Variants in FLNB observed in about 807,000 individuals in gnomAD.
The protein encoded by FLNB is filamin-B.
FLNB carries 111 observed loss-of-function variants against 250.6 expected under a neutral mutation model. The observed-to-expected ratio is 0.44, with a 90% CI of 0.38 to 0.52. The LOEUF is 0.52. Among genes scored for constraint, FLNB ranks in the 20% least tolerant of loss-of-function variants. FLNB has a pLI of 0.00. For synonymous variants in FLNB, 1,302 were observed against 1,372.1 expected, an observed-to-expected ratio of 0.95 and a Z score of 1.13; for missense variants, 2,869 against 3,447.8, an observed-to-expected ratio of 0.83 and a Z score of 4.20.
At chr3:58,029,621 T>C (rs1481108704) in intron 1 of FLNB, among the ~76,000 whole-genome samples, 1 of 151,940 alleles carries the variant, frequency 6.6e-6, no homozygotes, top group Non-Finnish European at 1.5e-5. Flanking sequence ...TCTCCTGCCT[T>C]AGCCTCCAAG....
chr3:58,045,397 A>G (rs1718479), intron 1 of FLNB, among the ~76,000 whole-genome samples: 68,619 of 151,984 alleles, frequency 0.45, 16,661 homozygotes, highest in African/African-American at 0.63. Context: ...GGCTGTAGGC[A>G]GCCCAGGACA....
chr3:58,093,763 C>G (rs1442833307), intron 4 of FLNB, among the ~76,000 whole-genome samples: 1 of 151,900 alleles, frequency 6.6e-6, no homozygotes, highest in Admixed American at 6.6e-5. Context: ...TACATCTATA[C>G]CATGGAATAT....
In FLNB at chr3:58,169,122, A is replaced by G. The variant is rs1370949698; in HGVS notation, c.7417+464A>G. The stretch of plus-strand genomic sequence containing the variant: ...CTGTAGTAAATCCCTTCCACACGTC[A>G]TGATTCACTGTTACATAAAGAATGT... On this transcript the variant is annotated intron_variant, in intron 44 of 45. Coordinates refer to ENST00000295956, the MANE Select transcript of FLNB (RefSeq NM_001457.4). The surrounding 1 kb of genome is among the most constrained non-coding windows in gnomAD (Gnocchi z 4.8). 7.2e-6 allele frequency: 2 copies of G among 279,616 alleles called. No homozygotes were observed. Among genetic ancestry groups the G allele is most frequent in the Admixed American group, 5.0e-5 (1 of 20,162 alleles). 17.3% of individuals were successfully genotyped at this position (279,616 alleles called of 1,614,324 possible). A position where few individuals can be genotyped will look rare whatever the true frequency, so the allele number is the denominator to read the frequency against.
At chr3:58,044,993 G>A (rs2097151540) in intron 1 of FLNB, among the ~76,000 whole-genome samples, 1 of 152,174 alleles carries the variant, frequency 6.6e-6, no homozygotes, top group African/African-American at 2.4e-5. Flanking sequence ...TTGGCTCTGT[G>A]GAGTTTTGTC....
At chr3:58,163,433 C>A in intron 43 of FLNB, 103 bp downstream of exon 43, 1 of 1,240,840 alleles carries the variant, frequency 8.1e-7, no homozygotes, top group Non-Finnish European at 1.2e-6. Flanking sequence ...CACGTACTCC[C>A]CGTGGAAACT....
intron 1 of FLNB, among the ~76,000 whole-genome samples, chr3:58,060,236 G>T (rs778983848): frequency 6.6e-6 from 1 of 152,158 alleles, no homozygotes; most frequent in Non-Finnish European, 1.5e-5. Context: ...CATGCCCAAG[G>T]CTGGGTGTGG....
At chr3:58,106,213 C>A (rs889633578) in intron 11 of FLNB, among the ~76,000 whole-genome samples, 1 of 151,910 alleles carries the variant, frequency 6.6e-6, no homozygotes, top group Non-Finnish European at 1.5e-5. Context: ...AGATAAAAAC[C>A]CAGAAGTGGA....
At chr3:58,055,560 G>A (rs2097169211) in intron 1 of FLNB, among the ~76,000 whole-genome samples, 1 of 152,244 alleles carries the variant, frequency 6.6e-6, no homozygotes, top group African/African-American at 2.4e-5. Flanking sequence ...AGTTTAAGAT[G>A]AGATTTGGGT....
chr3:58,036,977 A>G (rs1161101370), intron 1 of FLNB, among the ~76,000 whole-genome samples: 2 of 151,596 alleles, frequency 1.3e-5, no homozygotes, highest in Non-Finnish European at 2.9e-5. Flanking sequence ...CCCCGGCTAT[A>G]CTTTCTTCTC....
intron 1 of FLNB, among the ~76,000 whole-genome samples, chr3:58,026,216 C>T (rs2097123417): frequency 6.6e-6 from 1 of 152,154 alleles, no homozygotes; most frequent in African/African-American, 2.4e-5. Flanking sequence ...GTTACATCCT[C>T]CATGAGGCTG....
At position 58,168,428 on chromosome 3, in the gene FLNB, C is replaced by T; in HGVS notation, c.7199-12C>T. On this transcript the variant is annotated splice_polypyrimidine_tract_variant and intron_variant, in intron 43 of 45. Coordinates refer to ENST00000295956, the MANE Select transcript of FLNB (RefSeq NM_001457.4). ...AGTCATCAACACAGCATTTTCTATT[C>T]CTTTCTCCCAGGTATCCAGTCGGAA... 2 of 1,605,226 alleles carry T rather than the reference C, an allele frequency of 1.2e-6. No individual in the cohort carries two copies. Among genetic ancestry groups the T allele is most frequent in the Non-Finnish European group, 1.7e-6 (2 of 1,172,036 alleles).
intron 18 of FLNB, among the ~76,000 whole-genome samples, chr3:58,112,539 G>A (rs2097270614): frequency 6.6e-6 from 1 of 152,228 alleles, no homozygotes; most frequent in Non-Finnish European, 1.5e-5. Context: ...AAGCAAGCAG[G>A]AAGCTGGTCC....
chr3:58,021,915 C>T (rs528421694), intron 1 of FLNB, among the ~76,000 whole-genome samples: 2 of 152,280 alleles, frequency 1.3e-5, no homozygotes, highest in South Asian at 4.1e-4. Flanking sequence ...GTCAGAATTA[C>T]AGGCACACAC....
At chr3:58,147,054 C>T (rs959527321) in intron 34 of FLNB, 61 bp downstream of exon 34, 5 of 1,527,366 alleles carry the variant, frequency 3.3e-6, no homozygotes, top group Non-Finnish European at 3.6e-6. Context: ...CTGACTGCCA[C>T]CCTCCTTATC....
chr3:58,064,233 C>T lies in FLNB; in HGVS notation c.293-12813C>T, dbSNP rs985426392. Among the ~76,000 whole-genome samples, 6 of 152,126 alleles carry T rather than the reference C, an allele frequency of 3.9e-5. 1 individual carries two copies. Among genetic ancestry groups the T allele is most frequent in the South Asian group, 4.1e-4 (2 of 4,828 alleles). ...TTGGCTTACTGCAACCTCCACCTCC[C>T]GGGTTCAAGCAATTCTCCTGCCTCA... On this transcript the variant is annotated intron_variant, in intron 1 of 45. Transcript: ENST00000295956.
intron 3 of FLNB, among the ~76,000 whole-genome samples, chr3:58,079,768 T>A (rs955996269): frequency 3.9e-5 from 6 of 152,186 alleles, no homozygotes; most frequent in African/African-American, 1.4e-4. Context: ...AGAAACTCCC[T>A]CTAACAGTTA....
At chr3:58,037,376 C>T (rs1387076398) in intron 1 of FLNB, among the ~76,000 whole-genome samples, 4 of 152,200 alleles carry the variant, frequency 2.6e-5, no homozygotes, top group Admixed American at 6.5e-5. Flanking sequence ...ACATCAGAGT[C>T]ATTTTAGCCT....
In FLNB at chr3:58,095,229, G is replaced by GTATGTATTTATTTATTTATTTATT. The variant is rs140031981; in HGVS notation, c.906+278_906+279insGTATTTATTTATTTATTTATTTAT. On this transcript the variant is annotated intron_variant, in intron 5 of 45. Transcript: ENST00000295956. Reference sequence around the variant, plus strand: ...GCCTTGTCAGTTGAGGTTTATGTATGTATTTATTTATTTATTTATTTATTT... The same window carrying GTATGTATTTATTTATTTATTTATT: ...GCCTTGTCAGTTGAGGTTTATGTATGTATGTATTTATTTATTTATTTATTTATTTATTTATTTATTTATTTATTT... Among the ~76,000 whole-genome samples, 83 of 147,814 alleles carry GTATGTATTTATTTATTTATTTATT rather than the reference G, an allele frequency of 5.6e-4. 1 individual carries two copies. The Middle Eastern group carries it at 0.014, about 25-fold the overall frequency.
chr3:58,169,722 C>G lies in FLNB; in HGVS notation c.7550C>G (p.Ser2517Cys). ...TCCTCGGACGCCAGCAAGGTGACCT[C>G]TAAGGGGGCAGGGCTCTCAAAGGCC... is the stretch of plus-strand genomic sequence containing the variant. ...KASSDASKVTSKGAGLSKAFV... is the reference protein window; with the variant it reads ...KASSDASKVTCKGAGLSKAFV... The change falls in exon 45 of 46, where the codon TCT (serine) becomes TGT (cysteine). Residue 2517 changes from serine to cysteine, a missense_variant. Around this residue, in one of 5 missense-constraint regions of FLNB, gnomAD observed 1,084 missense variants for 1,315.5 expected, o/e 0.82. Coordinates refer to ENST00000295956, the MANE Select transcript of FLNB (RefSeq NM_001457.4). The surrounding 1 kb of genome is among the most constrained non-coding windows in gnomAD (Gnocchi z 4.8). 1 of 1,614,036 alleles carries G rather than the reference C, an allele frequency of 6.2e-7. No homozygotes were observed. The highest frequency in any genetic ancestry group is 8.5e-7 in the Non-Finnish European group (1 of 1,179,976).
Sources: allele counts gnomAD v4.1 joint callset (sites outside exome capture counted in the v4.1 genomes callset), GRCh38; gene constraint gnomAD v4.1.1; regional missense constraint gnomAD v4.1.1; non-coding constraint Gnocchi (gnomAD v3.1); transcripts MANE v1.5; gene names NCBI Gene and HGNC (gene_info 2026-07-23, HGNC 2026-07-21).